MAP2K6: variants seen among roughly 807,000 people sequenced by gnomAD.
The protein encoded by MAP2K6 is dual specificity mitogen-activated protein kinase kinase 6.
In MAP2K6, 16 loss-of-function variants were observed where a neutral mutation model predicts 53.7. That is an observed-to-expected ratio of 0.30 (90% CI 0.20 to 0.45). The LOEUF (loss-of-function observed/expected upper bound fraction) is 0.45. Ranked by LOEUF, MAP2K6 falls within the 20% of genes least tolerant of loss-of-function variation. The probability of loss-of-function intolerance (pLI) is 1.00; values close to 1 mark genes in which losing one functional copy is unlikely to be tolerated. For synonymous variants in MAP2K6, 132 were observed against 143.1 expected (o/e 0.92, Z 0.55); for missense variants, 204 against 411.9 (o/e 0.50, Z 4.37).
chr17:69,463,027 A>T (rs1018586542), intron 1 of MAP2K6, among the ~76,000 whole-genome samples: 3 of 142,604 alleles, frequency 2.1e-5, no homozygotes, highest in African/African-American at 7.9e-5. Flanking sequence ...TACGGTCAGG[A>T]TTGGCTGACT....
chr17:69,474,809 ACTT>A (rs1415691317), intron 1 of MAP2K6, among the ~76,000 whole-genome samples: 7 of 152,290 alleles, frequency 4.6e-5, no homozygotes, highest in South Asian at 2.1e-4. Flanking sequence ...CCATGGATTC[ACTT>A]CTTCTTTATG....
intron 1 of MAP2K6, among the ~76,000 whole-genome samples, chr17:69,475,285 C>T (rs893763246): frequency 6.6e-6 from 1 of 151,150 alleles, no homozygotes; most frequent in African/African-American, 2.4e-5. Flanking sequence ...TCTCCTGCCT[C>T]AGCCTCCCAA....
chr17:69,472,258 G>A (rs566565031), intron 1 of MAP2K6, among the ~76,000 whole-genome samples: 4 of 152,068 alleles, frequency 2.6e-5, no homozygotes, highest in African/African-American at 7.2e-5. Flanking sequence ...GGCCGCACAT[G>A]TACCCCCGAA....
intron 1 of MAP2K6, among the ~76,000 whole-genome samples, chr17:69,467,874 T>G (rs772817233): frequency 4.6e-5 from 7 of 152,154 alleles, no homozygotes; most frequent in Non-Finnish European, 1.0e-4. Context: ...CAAGTGATTC[T>G]CCTGCCTCAG....
intron 2 of MAP2K6, among the ~76,000 whole-genome samples, chr17:69,512,577 T>A (rs1909910483): frequency 6.6e-6 from 1 of 152,182 alleles, no homozygotes; most frequent in African/African-American, 2.4e-5. Flanking sequence ...GATGTCGTGA[T>A]CCACCTGCCT....
At chr17:69,520,641 C>A in intron 6 of MAP2K6, 1 of 437,660 alleles carries the variant, frequency 2.3e-6, no homozygotes. Flanking sequence ...TGACCACATT[C>A]CTGGTGTCTA....
Position 69,545,490 on chromosome 17 carries a change from ATTGT to A in MAP2K6, c.*3742_*3745del, listed in dbSNP as rs1190008820. ...CGAGTATGTATGGGCATGGCTTGAA[ATTGT>A]TTGTATTTTACAGTTCTTGTATATC... On this transcript the variant is annotated 3_prime_UTR_variant, in exon 12 of 12. Transcript: ENST00000590474. 1 of 152,226 alleles carries A rather than the reference ATTGT, an allele frequency of 6.6e-6. No individual in the cohort carries two copies. The highest frequency in any genetic ancestry group is 1.5e-5 in the Non-Finnish European group (1 of 68,048). 9.4% of individuals were successfully genotyped at this position (152,226 alleles called of 1,614,324 possible).
chr17:69,502,338 G>T (rs902370351), intron 1 of MAP2K6: 5 of 985,332 alleles, frequency 5.1e-6, no homozygotes, highest in Admixed American at 6.2e-5. Flanking sequence ...TCCTCTGCTG[G>T]TCTTCCTTGC....
At chr17:69,495,739 AT>A (rs1468168546) in intron 1 of MAP2K6, among the ~76,000 whole-genome samples, 1 of 151,844 alleles carries the variant, frequency 6.6e-6, no homozygotes, top group African/African-American at 2.4e-5. Flanking sequence ...TAAAAAAAAA[AT>A]ACTTATTTTT....
intron 1 of MAP2K6, among the ~76,000 whole-genome samples, chr17:69,416,630 T>C (rs1357211575): frequency 8.5e-5 from 13 of 152,178 alleles, no homozygotes; most frequent in Non-Finnish European, 1.5e-5. Flanking sequence ...TGTGTGTGTA[T>C]GTGTGCACAT....
intron 1 of MAP2K6, among the ~76,000 whole-genome samples, chr17:69,465,272 A>G (rs1031991200): frequency 6.6e-6 from 1 of 151,652 alleles, no homozygotes; most frequent in African/African-American, 2.4e-5. Context: ...TGGAACACAA[A>G]GTCTTTAATA....
intron 1 of MAP2K6, among the ~76,000 whole-genome samples, chr17:69,445,511 A>G (rs1425262529): frequency 6.6e-6 from 1 of 152,248 alleles, no homozygotes; most frequent in Non-Finnish European, 1.5e-5. Context: ...TTCATATTAA[A>G]AAGTTAACAA....
rs1467135854 is a variant in MAP2K6, at chr17:69,548,520, C to T, written c.*6767C>T. The T allele has an allele frequency of 6.6e-6, 1 of 152,060 alleles. No homozygotes were observed. Among genetic ancestry groups the T allele is most frequent in the Non-Finnish European group, 1.5e-5 (1 of 68,016 alleles). The allele number at this position is 152,060 out of a possible 1,614,324, so 9.4% of individuals were successfully genotyped here. The stretch of plus-strand genomic sequence containing the variant: ...AGAAATATTCTTTTTCCTGCTGCAC[C>T]ATTAGGCAAACATACATTATGCTTA... On this transcript the variant is annotated 3_prime_UTR_variant, in exon 12 of 12. Transcript: ENST00000590474.
rs1233596701 is a variant in MAP2K6, at chr17:69,505,776, A to C, written c.17-4A>C. The C allele has an allele frequency of 6.2e-7, 1 of 1,612,620 alleles. No homozygotes were observed. ...TAACTTTTTCCTTTTGTCTTTCCCC[A>C]TAGGCAAGAAGCGAAACCCTGGCCT... is the stretch of plus-strand genomic sequence containing the variant. On this transcript the variant is annotated splice_polypyrimidine_tract_variant and splice_region_variant and intron_variant, in intron 1 of 11. Coordinates refer to ENST00000590474, the MANE Select transcript of MAP2K6 (RefSeq NM_002758.4).
Position 69,416,649 on chromosome 17 carries a change from GAC to G in MAP2K6, c.16+1655_16+1656del, listed in dbSNP as rs1598249906. Among the ~76,000 whole-genome samples, 3 of 149,842 alleles carry G rather than the reference GAC, an allele frequency of 2.0e-5. No homozygotes were observed. In the East Asian group the frequency reaches 5.8e-4, roughly 29 times the overall value. Reference sequence around the variant, plus strand: ...TGTGTATGTGTGCACATGATTTAGGGACACACAAAAATATTTAAAATGAAGTT... The same window carrying G: ...TGTGTATGTGTGCACATGATTTAGGGACACAAAAATATTTAAAATGAAGTT... On this transcript the variant is annotated intron_variant, in intron 1 of 11. Transcript: ENST00000590474.
chr17:69,472,509 C>G (rs1238796053), intron 1 of MAP2K6, among the ~76,000 whole-genome samples: 1 of 152,058 alleles, frequency 6.6e-6, no homozygotes, highest in African/African-American at 2.4e-5. Context: ...TCTTACATCT[C>G]AAAGATGTGC....
chr17:69,496,080 A>AT (rs113695007), intron 1 of MAP2K6, among the ~76,000 whole-genome samples: 2,264 of 150,052 alleles, frequency 0.015, 64 homozygotes, highest in African/African-American at 0.051. Flanking sequence ...GTCTACTAGG[A>AT]CTTTTTTTTT....
chr17:69,462,041 G>A (rs1227272773), intron 1 of MAP2K6, among the ~76,000 whole-genome samples: 2 of 152,150 alleles, frequency 1.3e-5, no homozygotes, highest in Non-Finnish European at 1.5e-5. Context: ...GTTTTAGTTC[G>A]CACTTGGGAC....
intron 1 of MAP2K6, among the ~76,000 whole-genome samples, chr17:69,428,646 A>C (rs954715477): frequency 1.3e-5 from 2 of 152,198 alleles, no homozygotes; most frequent in East Asian, 3.9e-4. Flanking sequence ...TGTGAAATGC[A>C]CGTAAGTTCT....
Sources: gnomAD v4.1 joint callset for allele counts (sites outside exome capture counted in the v4.1 genomes callset) on GRCh38, gnomAD v4.1.1 for gene constraint, MANE v1.5 for transcripts, NCBI Gene and HGNC (gene_info 2026-07-23, HGNC 2026-07-21) for gene names.